Variants in KCNIP4 observed in about 807,000 individuals in gnomAD.
The protein encoded by KCNIP4 is Kv channel-interacting protein 4.
A neutral mutation model predicts 34.0 loss-of-function variants in KCNIP4; 12 were observed. That is an observed-to-expected ratio of 0.35 (90% CI 0.23 to 0.57). KCNIP4 has a LOEUF of 0.57. Among genes scored for constraint, KCNIP4 ranks in the 20% least tolerant of loss-of-function variants. KCNIP4 has a pLI of 0.83. For synonymous variants in KCNIP4, 124 were observed against 102.2 expected, an observed-to-expected ratio of 1.21 and a Z score of -1.29; for missense variants, 238 against 311.7, an observed-to-expected ratio of 0.76 and a Z score of 1.78.
chr4:21,373,529 T>C (rs1720689972), intron 1 of KCNIP4, among the ~76,000 whole-genome samples: 1 of 146,770 alleles, frequency 6.8e-6, no homozygotes, highest in African/African-American at 2.7e-5. Flanking sequence ...GGGGTTTCCT[T>C]TGGGAACCGA....
chr4:21,093,524 T>G (rs886213715), intron 1 of KCNIP4, among the ~76,000 whole-genome samples: 21 of 151,304 alleles, frequency 1.4e-4, no homozygotes. Context: ...TCTTTGGATT[T>G]CACAGTTTGT....
chr4:21,199,724 A>G (rs868036966), intron 1 of KCNIP4, among the ~76,000 whole-genome samples: 2 of 64,530 alleles, frequency 3.1e-5, no homozygotes, highest in East Asian at 3.6e-4. Context: ...TCATGCTGCT[A>G]TAAAGATACA....
chr4:21,558,360 C>T lies in KCNIP4; in HGVS notation c.61+390211G>A, dbSNP rs144609617. ...TACAAAAATCAGCCAGGTGTGGTGG[C>T]GTATGCCTATAATCCCAGCTACTCA... On this transcript the variant is annotated intron_variant, in intron 1 of 8. Coordinates refer to ENST00000382152, the MANE Select transcript of KCNIP4 (RefSeq NM_025221.6). Among the ~76,000 whole-genome samples, 392 of 152,030 alleles carry T rather than the reference C, an allele frequency of 2.6e-3. 6 individuals carry two copies. Among genetic ancestry groups the T allele is most frequent in the African/African-American group, 9.0e-3 (372 of 41,490 alleles).
chr4:21,127,323 A>T (rs1750703715), intron 1 of KCNIP4, among the ~76,000 whole-genome samples: 1 of 151,956 alleles, frequency 6.6e-6, no homozygotes, highest in African/African-American at 2.4e-5. Flanking sequence ...ACTGAGATCA[A>T]CTCCCTAATA....
chr4:21,863,408 A>T (rs938790628), intron 1 of KCNIP4, among the ~76,000 whole-genome samples: 3 of 152,190 alleles, frequency 2.0e-5, no homozygotes, highest in African/African-American at 7.2e-5. Context: ...TGTCACATAA[A>T]CCTGAACTGT....
intron 1 of KCNIP4, among the ~76,000 whole-genome samples, chr4:21,472,436 T>C (rs764027293): frequency 2.4e-4 from 37 of 152,082 alleles, no homozygotes; most frequent in Non-Finnish European, 5.0e-4. Context: ...TTGGCTGAAA[T>C]GTGTGTGTGG....
chr4:21,385,704 T>C (rs1056348812), intron 1 of KCNIP4, among the ~76,000 whole-genome samples: 3 of 152,162 alleles, frequency 2.0e-5, no homozygotes, highest in Admixed American at 2.0e-4. Flanking sequence ...ATATCCCTTA[T>C]CAAGGTACTA....
At chr4:21,557,379 A>T (rs1025496799) in intron 1 of KCNIP4, among the ~76,000 whole-genome samples, 1 of 152,200 alleles carries the variant, frequency 6.6e-6, no homozygotes, top group Admixed American at 6.5e-5. Flanking sequence ...ATTGGAAAAA[A>T]ATAGAAAACT....
At chr4:21,338,281 A>G (rs1426177788) in intron 1 of KCNIP4, among the ~76,000 whole-genome samples, 1 of 151,642 alleles carries the variant, frequency 6.6e-6, no homozygotes, top group South Asian at 2.1e-4. Flanking sequence ...AAAAAAAAAA[A>G]AAAAAAGACT....
At chr4:21,295,918 GTGAATGAATGAA>G (rs3080876) in intron 1 of KCNIP4, among the ~76,000 whole-genome samples, 140 of 151,108 alleles carry the variant, frequency 9.3e-4, no homozygotes, top group African/African-American at 3.1e-3. Context: ...CATGCAGTTA[GTGAATGAATGAA>G]TGAATGAATG....
At chr4:21,626,882 G>A (rs1745376324) in intron 1 of KCNIP4, among the ~76,000 whole-genome samples, 1 of 151,020 alleles carries the variant, frequency 6.6e-6, no homozygotes, top group South Asian at 2.1e-4. Context: ...TTTTCCCCAG[G>A]CTACACTCTT....
chr4:20,925,595 C>T (rs527848557), intron 1 of KCNIP4, among the ~76,000 whole-genome samples: 2 of 152,276 alleles, frequency 1.3e-5, no homozygotes, highest in Non-Finnish European at 2.9e-5. Flanking sequence ...AGTAGCGATT[C>T]TTTTATTTCT....
intron 1 of KCNIP4, among the ~76,000 whole-genome samples, chr4:20,955,337 C>T (rs1340541110): frequency 1.3e-5 from 2 of 152,192 alleles, no homozygotes; most frequent in African/African-American, 4.8e-5. Context: ...CTTCCCAGAA[C>T]AGAGTACAGT....
At chr4:21,194,708 G>C (rs914618228) in intron 1 of KCNIP4, among the ~76,000 whole-genome samples, 2 of 152,146 alleles carry the variant, frequency 1.3e-5, no homozygotes, top group African/African-American at 4.8e-5. Flanking sequence ...CTTCTCTGCA[G>C]CTTGATTATC....
intron 1 of KCNIP4, among the ~76,000 whole-genome samples, chr4:21,101,223 G>T (rs1404695977): frequency 1.3e-5 from 2 of 152,110 alleles, no homozygotes; most frequent in African/African-American, 2.4e-5. Flanking sequence ...TATTTGACTT[G>T]CTGGGTTATT....
At chr4:21,394,557 G>T (rs1028892632) in intron 1 of KCNIP4, among the ~76,000 whole-genome samples, 5 of 152,118 alleles carry the variant, frequency 3.3e-5, no homozygotes, top group African/African-American at 1.2e-4. Flanking sequence ...TTGCTAACCT[G>T]GGAATGTAGG....
chr4:21,431,239 C>G (rs1192402575), intron 1 of KCNIP4, among the ~76,000 whole-genome samples: 4 of 151,600 alleles, frequency 2.6e-5, no homozygotes, highest in African/African-American at 9.7e-5. Flanking sequence ...CAAAGAGGAC[C>G]ATGAAAAATT....
Position 20,734,714 on chromosome 4 carries a change from T to C in KCNIP4, c.451A>G (p.Ile151Val), listed in dbSNP as rs774439825. ...TCTTGTACTGTCCCCCGGAGCAAAA[T>C]GGAAAGACCTTTGATGAAATCCTGA... is the stretch of plus-strand genomic sequence containing the variant. ...SFEDFIKGLS[I>V]LLRGTVQEKL... The change falls in exon 6 of 9, where the codon ATT becomes GTT. Residue 151 changes from isoleucine to valine, a missense_variant. Transcript: ENST00000382152. The C allele has an allele frequency of 6.3e-6, 10 of 1,582,648 alleles. No homozygotes were observed. In the South Asian group the frequency reaches 1.2e-4, roughly 18 times the overall value.
intron 1 of KCNIP4, among the ~76,000 whole-genome samples, chr4:21,723,683 C>T (rs1378012299): frequency 6.6e-6 from 1 of 152,120 alleles, no homozygotes; most frequent in African/African-American, 2.4e-5. Flanking sequence ...TAGCCATACA[C>T]ATACACATAA....
Sources: allele counts gnomAD v4.1 joint callset (sites outside exome capture counted in the v4.1 genomes callset), GRCh38; gene constraint gnomAD v4.1.1; transcripts MANE v1.5; gene names NCBI Gene and HGNC (gene_info 2026-07-23, HGNC 2026-07-21).